GABBR2: variants seen among roughly 807,000 people sequenced by gnomAD.
The protein encoded by GABBR2 is G-protein coupled receptor 51.
Under a neutral mutation model 105.6 loss-of-function variants are expected in GABBR2, and 23 were observed. The observed-to-expected ratio is 0.22, with a 90% confidence interval of 0.16 to 0.31. GABBR2 has a LOEUF of 0.31. GABBR2 is among the 10% of genes least tolerant of loss of function. The probability of loss-of-function intolerance (pLI) is 1.00; values close to 1 mark genes in which losing one functional copy is unlikely to be tolerated. For synonymous variants in GABBR2, 478 were observed against 499.7 expected, an observed-to-expected ratio of 0.96 and a Z score of 0.58; for missense variants, 734 against 1,245.5, an observed-to-expected ratio of 0.59 and a Z score of 6.18.
intron 3 of GABBR2, among the ~76,000 whole-genome samples, chr9:98,502,146 G>A (rs548314302): frequency 6.6e-6 from 1 of 152,324 alleles, no homozygotes; most frequent in African/African-American, 2.4e-5. Context: ...AAGGGGAGGG[G>A]TTGGAGGAGG....
intron 2 of GABBR2, among the ~76,000 whole-genome samples, chr9:98,577,360 T>A (rs1310802523): frequency 6.6e-6 from 1 of 152,226 alleles, no homozygotes; most frequent in African/African-American, 2.4e-5. Flanking sequence ...TATATGTTGG[T>A]GGAGCATTCA....
At chr9:98,350,894 AT>A (rs1005053786) in intron 13 of GABBR2, among the ~76,000 whole-genome samples, 10 of 152,052 alleles carry the variant, frequency 6.6e-5, no homozygotes, top group Admixed American at 5.2e-4. Flanking sequence ...AGCTTTAATA[AT>A]TTTTTTTATA....
chr9:98,410,955 C>T (rs911830085), intron 7 of GABBR2, among the ~76,000 whole-genome samples: 1 of 152,204 alleles, frequency 6.6e-6, no homozygotes, highest in African/African-American at 2.4e-5. Context: ...ACCATCCCTT[C>T]CAACAAAGTT....
At chr9:98,406,197 C>G (rs1456160265) in intron 7 of GABBR2, 56 bp from the exon 8 acceptor site, 2 of 953,788 alleles carry the variant, frequency 2.1e-6, no homozygotes, top group Admixed American at 2.4e-5. Flanking sequence ...CCACATTAGC[C>G]CAAACGCCAC....
intron 1 of GABBR2, among the ~76,000 whole-genome samples, chr9:98,652,286 C>T: frequency 6.6e-6 from 1 of 152,164 alleles, no homozygotes; most frequent in Non-Finnish European, 1.5e-5. Context: ...CCTTCCCTCC[C>T]AGCCCCATTC....
intron 1 of GABBR2, among the ~76,000 whole-genome samples, chr9:98,657,550 G>T (rs1571930): frequency 1.3e-5 from 2 of 152,080 alleles, no homozygotes; most frequent in Non-Finnish European, 2.9e-5. Context: ...TGAAAAACAC[G>T]TGGCCACAAA....
chr9:98,432,535 G>A (rs1825831413), intron 7 of GABBR2, among the ~76,000 whole-genome samples: 1 of 152,068 alleles, frequency 6.6e-6, no homozygotes, highest in Non-Finnish European at 1.5e-5. Context: ...CCAGGATCCT[G>A]GCATTTCCCA....
chr9:98,541,063 T>C (rs1420920933), intron 3 of GABBR2, among the ~76,000 whole-genome samples: 1 of 152,144 alleles, frequency 6.6e-6, no homozygotes, highest in Non-Finnish European at 1.5e-5. Flanking sequence ...GGTTGTCCCA[T>C]TGAAAAGTGG....
intron 13 of GABBR2, among the ~76,000 whole-genome samples, chr9:98,345,641 C>T (rs662673): frequency 0.91 from 138,051 of 152,296 alleles, 62,707 homozygotes; most frequent in African/African-American, 0.96. Context: ...AGTATACAGA[C>T]TGGGAAGGAA....
intron 3 of GABBR2, among the ~76,000 whole-genome samples, chr9:98,539,930 A>AG (rs2131738469): frequency 6.6e-6 from 1 of 151,416 alleles, no homozygotes; most frequent in East Asian, 1.9e-4. Flanking sequence ...AAAAAAAAAA[A>AG]AAGAAAAAGA....
chr9:98,550,803 TAA>T (rs1828474359), intron 2 of GABBR2, among the ~76,000 whole-genome samples: 1 of 152,204 alleles, frequency 6.6e-6, no homozygotes, highest in South Asian at 2.1e-4. Flanking sequence ...TACAGATGCA[TAA>T]AGTCCCCTGC....
At chr9:98,675,321 GT>G (rs368171042) in intron 1 of GABBR2, among the ~76,000 whole-genome samples, 176 of 152,142 alleles carry the variant, frequency 1.2e-3, no homozygotes, top group African/African-American at 4.0e-3. Flanking sequence ...GGCAGGCCAG[GT>G]GAACGGCTGT....
intron 1 of GABBR2, among the ~76,000 whole-genome samples, chr9:98,613,682 C>T (rs531787389): frequency 5.4e-4 from 82 of 152,302 alleles, no homozygotes; most frequent in African/African-American, 1.9e-3. Context: ...AACTGCATGC[C>T]TGGAATTCTG....
chr9:98,623,102 T>C (rs528492494), intron 1 of GABBR2, among the ~76,000 whole-genome samples: 3 of 152,166 alleles, frequency 2.0e-5, no homozygotes, highest in Non-Finnish European at 4.4e-5. Context: ...GTTGTGAACA[T>C]AAAACTGCTC....
chr9:98,564,089 T>C (rs1392928708), intron 2 of GABBR2, among the ~76,000 whole-genome samples: 1 of 152,224 alleles, frequency 6.6e-6, no homozygotes, highest in Admixed American at 6.5e-5. Context: ...TGCATGTGTG[T>C]GTGCATGTGT....
intron 11 of GABBR2, among the ~76,000 whole-genome samples, chr9:98,374,676 A>T (rs1405915823): frequency 6.6e-6 from 1 of 152,148 alleles, no homozygotes; most frequent in Non-Finnish European, 1.5e-5. Context: ...GCAGCATTTC[A>T]CACATGTGGT....
intron 12 of GABBR2, among the ~76,000 whole-genome samples, chr9:98,371,253 C>G (rs1215957259): frequency 6.6e-6 from 1 of 152,180 alleles, no homozygotes; most frequent in Non-Finnish European, 1.5e-5. Flanking sequence ...CAGCACCCCC[C>G]ACATGTCCCC....
At chr9:98,431,052 C>T (rs1825799964) in intron 7 of GABBR2, among the ~76,000 whole-genome samples, 1 of 151,828 alleles carries the variant, frequency 6.6e-6, no homozygotes, top group South Asian at 2.1e-4. Context: ...TCCAGATACT[C>T]TCACCTGGAC....
At chr9:98,702,256 G>T (rs891658650) in intron 1 of GABBR2, among the ~76,000 whole-genome samples, 2 of 151,918 alleles carry the variant, frequency 1.3e-5, no homozygotes, top group Non-Finnish European at 2.9e-5. Context: ...TCTAATTCCA[G>T]TGACTGTTCT....
Sources: gnomAD v4.1 joint callset for allele counts (sites outside exome capture counted in the v4.1 genomes callset) on GRCh38, gnomAD v4.1.1 for gene constraint, MANE v1.5 for transcripts, NCBI Gene and HGNC (gene_info 2026-07-23, HGNC 2026-07-21) for gene names.